Variants in EIF4E3 observed in about 807,000 individuals in gnomAD.
EIF4E3 encodes eukaryotic translation initiation factor 4E family member 3.
EIF4E3 carries 26 observed loss-of-function variants against 31.7 expected under a neutral mutation model. The observed-to-expected ratio is 0.82, with a 90% confidence interval of 0.60 to 1.14. The LOEUF is 1.14. EIF4E3 is among the 50% of genes most tolerant of loss of function. The probability of loss-of-function intolerance (pLI) is 0.00; values close to 1 mark genes in which losing one functional copy is unlikely to be tolerated. For missense variants in EIF4E3, 304 were observed against 270.9 expected (o/e 1.12, Z -0.86); for synonymous variants, 128 against 107.7 (o/e 1.19, Z -1.17).
the EIF4E3 span, among the ~76,000 whole-genome samples, chr3:71,661,094 T>A: frequency 6.6e-6 from 1 of 152,168 alleles, no homozygotes; most frequent in Admixed American, 6.5e-5. Flanking sequence ...GAGATTCTCA[T>A]AAATACTTTT....
chr3:71,731,854 C>A (rs1231726886), intron 1 of EIF4E3, among the ~76,000 whole-genome samples: 1 of 152,112 alleles, frequency 6.6e-6, no homozygotes, highest in Non-Finnish European at 1.5e-5. Flanking sequence ...ACACCTTGAC[C>A]CCCTTTTTCA....
At chr3:71,667,763 CA>C in the EIF4E3 span, among the ~76,000 whole-genome samples, 4 of 152,138 alleles carry the variant, frequency 2.6e-5, no homozygotes, top group African/African-American at 7.2e-5. Flanking sequence ...AGCACACAAA[CA>C]AATGGAAAAA....
chr3:71,696,964 G>A lies in EIF4E3; in HGVS notation c.345-444C>T, dbSNP rs570417547. 9.9e-5 allele frequency among the ~76,000 whole-genome samples: 15 copies of A among 151,160 alleles called. No homozygotes were observed. The South Asian group carries it at 2.5e-3, about 25-fold the overall frequency. ...CGATCTCCCCACCTCGTGATCCACC[G>A]GTCTCGGCCTCCCAAAGCGCTGGGA... On this transcript the variant is annotated intron_variant, in intron 3 of 6. Transcript: ENST00000425534.
chr3:71,714,114 A>C (rs1268056270), intron 1 of EIF4E3, among the ~76,000 whole-genome samples: 1 of 152,104 alleles, frequency 6.6e-6, no homozygotes, highest in Non-Finnish European at 1.5e-5. Context: ...CAGGAGTCTG[A>C]GGCAGGAGAA....
At chr3:71,738,750 T>TG (rs2049789720) in intron 1 of EIF4E3, among the ~76,000 whole-genome samples, 1 of 151,890 alleles carries the variant, frequency 6.6e-6, no homozygotes, top group African/African-American at 2.4e-5. Flanking sequence ...ATAGAACTGC[T>TG]AGACAGAACA....
chr3:71,709,621 T>C (rs1238795714), intron 2 of EIF4E3, among the ~76,000 whole-genome samples: 1 of 152,070 alleles, frequency 6.6e-6, no homozygotes, highest in Non-Finnish European at 1.5e-5. Context: ...GCTCAAGCAA[T>C]CCTCCCACCT....
chr3:71,733,881 T>TA (rs142462230), intron 1 of EIF4E3, among the ~76,000 whole-genome samples: 35 of 152,136 alleles, frequency 2.3e-4, no homozygotes, highest in African/African-American at 7.0e-4. Flanking sequence ...ATTTGTTTTC[T>TA]AAAAAAAATC....
chr3:71,721,230 C>T (rs966902157), intron 1 of EIF4E3, among the ~76,000 whole-genome samples: 2 of 152,204 alleles, frequency 1.3e-5, no homozygotes, highest in African/African-American at 4.8e-5. Context: ...TTCAACAACA[C>T]CCTGTTCAGG....
At chr3:71,726,065 TG>T (rs1262447737), upstream of EIF4E3, among the ~76,000 whole-genome samples, 4 of 151,916 alleles carry the variant, frequency 2.6e-5, no homozygotes, top group Non-Finnish European at 1.5e-5. Flanking sequence ...GGCATGAGGT[TG>T]GAGCAGGTGG....
intron 1 of EIF4E3, among the ~76,000 whole-genome samples, chr3:71,722,099 G>GA (rs1470456704): frequency 6.6e-6 from 1 of 151,838 alleles, no homozygotes; most frequent in African/African-American, 2.4e-5. Flanking sequence ...TCCTCGGGGG[G>GA]GCGGGGGTGG....
chr3:71,665,315 G>C, the EIF4E3 span, among the ~76,000 whole-genome samples: 2 of 152,224 alleles, frequency 1.3e-5, no homozygotes, highest in Non-Finnish European at 2.9e-5. Context: ...CAGTGAGCCA[G>C]ATGGCAGCCC....
intron 4 of EIF4E3, among the ~76,000 whole-genome samples, chr3:71,695,748 C>T (rs1031200274): frequency 6.6e-6 from 1 of 152,158 alleles, no homozygotes; most frequent in African/African-American, 2.4e-5. Context: ...ATGAAAGAAA[C>T]CATGAAAAGG....
intron 6 of EIF4E3, among the ~76,000 whole-genome samples, chr3:71,688,975 T>C (rs140954392): frequency 1.3e-3 from 193 of 152,310 alleles, no homozygotes; most frequent in East Asian, 8.7e-3. Flanking sequence ...CATACTAGGA[T>C]ACTCACAAAA....
At position 71,675,854 on chromosome 3, in the gene EIF4E3, G is replaced by A. The variant is rs941966695; in HGVS notation, c.*8828C>T. ...GGCAGCCTCACTGAAGAACAGGCTGGAGCCACAGTACCTTAGATGTATCTT... is the reference window on the plus strand; with the variant it reads ...GGCAGCCTCACTGAAGAACAGGCTGAAGCCACAGTACCTTAGATGTATCTT... On this transcript the variant is annotated 3_prime_UTR_variant, in exon 7 of 7. Coordinates refer to ENST00000425534, the MANE Select transcript of EIF4E3 (RefSeq NM_001134651.2). 2 of 152,158 alleles carry A rather than the reference G, an allele frequency of 1.3e-5. No homozygotes were observed. Among genetic ancestry groups the A allele is most frequent in the African/African-American group, 4.8e-5 (2 of 41,434 alleles). The allele number at this position is 152,158 out of a possible 1,614,324, so 9.4% of individuals were successfully genotyped here.
At chr3:71,706,493 GT>G (rs1201942246) in intron 2 of EIF4E3, among the ~76,000 whole-genome samples, 4 of 151,926 alleles carry the variant, frequency 2.6e-5, no homozygotes, top group Non-Finnish European at 5.9e-5. Flanking sequence ...TGGAGAAGCA[GT>G]TTTTTTTAGT....
intron 1 of EIF4E3, among the ~76,000 whole-genome samples, chr3:71,713,077 T>G (rs1559601913): frequency 6.6e-6 from 1 of 152,184 alleles, no homozygotes; most frequent in Non-Finnish European, 1.5e-5. Context: ...AAGTACTTAT[T>G]AGTGTAACAC....
intron 3 of EIF4E3, among the ~76,000 whole-genome samples, chr3:71,698,744 G>C (rs1425416546): frequency 6.6e-6 from 1 of 152,176 alleles, no homozygotes; most frequent in Non-Finnish European, 1.5e-5. Context: ...TAAGACCAGA[G>C]CATAGGAAGG....
At chr3:71,688,770 C>T (rs1014846958) in intron 6 of EIF4E3, among the ~76,000 whole-genome samples, 2 of 152,120 alleles carry the variant, frequency 1.3e-5, no homozygotes, top group African/African-American at 2.4e-5. Context: ...AAAATGGCAT[C>T]GGCAAATTGG....
At chr3:71,671,824 CT>C (rs1209419773), downstream of EIF4E3, among the ~76,000 whole-genome samples, 1 of 151,450 alleles carries the variant, frequency 6.6e-6, no homozygotes, top group South Asian at 2.1e-4. Context: ...TTTTGGAAGC[CT>C]TTTTGGGAAG....
Sources: allele counts gnomAD v4.1 joint callset (sites outside exome capture counted in the v4.1 genomes callset), GRCh38; gene constraint gnomAD v4.1.1; transcripts MANE v1.5; gene names NCBI Gene and HGNC (gene_info 2026-07-23, HGNC 2026-07-21).